The following CADM2 variants were observed in gnomAD, a reference collection of about 807,000 sequenced individuals.
The protein encoded by CADM2 is cell adhesion molecule 2, also known as immunoglobulin superfamily member 4D.
In CADM2, 12 loss-of-function variants were observed where a neutral mutation model predicts 49.8. The ratio of observed to expected loss-of-function variants is 0.24; its 90% CI spans 0.15 to 0.39. CADM2 has a LOEUF of 0.39. CADM2 is among the 10% of genes least tolerant of loss of function. The pLI, the probability that CADM2 is intolerant of heterozygous loss-of-function variation, is 1.00. For synonymous variants in CADM2, 214 were observed against 175.4 expected, an observed-to-expected ratio of 1.22 and a Z score of -1.74; for missense variants, 378 against 492.3, an observed-to-expected ratio of 0.77 and a Z score of 2.20.
At chr3:85,400,446 G>A (rs1290632532) in intron 1 of CADM2, among the ~76,000 whole-genome samples, 2 of 152,086 alleles carry the variant, frequency 1.3e-5, no homozygotes, top group South Asian at 2.1e-4. Context: ...TTTGGTATCA[G>A]GATGATACTG....
chr3:85,154,528 C>T (rs1489465386), intron 1 of CADM2, among the ~76,000 whole-genome samples: 11 of 151,978 alleles, frequency 7.2e-5, no homozygotes, highest in Non-Finnish European at 1.5e-4. Flanking sequence ...GGATATTATC[C>T]GTGAGAACTT....
In CADM2 at chr3:85,279,711, T is replaced by C. The variant is rs376784873; in HGVS notation, c.61+320043T>C. Among the ~76,000 whole-genome samples the C allele has an allele frequency of 1.8e-3, 271 of 151,614 alleles. 1 individual carries two copies. The highest frequency in any genetic ancestry group is 6.3e-3 in the African/African-American group (261 of 41,504). ...AAAATTAATTTTACTGAAGCAGATATCTGAATATTGTAAAAGTCTGCAATA... is the reference window on the plus strand; with the variant it reads ...AAAATTAATTTTACTGAAGCAGATACCTGAATATTGTAAAAGTCTGCAATA... On this transcript the variant is annotated intron_variant, in intron 1 of 9. Coordinates refer to ENST00000383699, the MANE Select transcript of CADM2 (RefSeq NM_001167675.2).
chr3:85,625,182 T>A (rs1483130420), intron 1 of CADM2, among the ~76,000 whole-genome samples: 1 of 152,158 alleles, frequency 6.6e-6, no homozygotes, highest in Non-Finnish European at 1.5e-5. Context: ...TACATCTTTT[T>A]AAATTTTTGG....
intron 5 of CADM2, among the ~76,000 whole-genome samples, chr3:85,895,128 C>T (rs1316576214): frequency 6.6e-6 from 1 of 152,192 alleles, no homozygotes; most frequent in Admixed American, 6.5e-5. Flanking sequence ...TAGCTGCAGA[C>T]ACTCACGCCT....
At chr3:85,736,173 AT>A (rs2068125353) in intron 2 of CADM2, among the ~76,000 whole-genome samples, 2 of 152,222 alleles carry the variant, frequency 1.3e-5, no homozygotes, top group South Asian at 4.1e-4. Flanking sequence ...AAGAAAATGT[AT>A]TTAAAAAGGA....
At chr3:85,024,312 T>C (rs1212983481) in intron 1 of CADM2, among the ~76,000 whole-genome samples, 1 of 152,146 alleles carries the variant, frequency 6.6e-6, no homozygotes, top group Non-Finnish European at 1.5e-5. Context: ...TCCAGTTTTA[T>C]AGACAGAAAA....
At chr3:85,008,328 C>G (rs879749163) in intron 1 of CADM2, among the ~76,000 whole-genome samples, 5 of 152,152 alleles carry the variant, frequency 3.3e-5, no homozygotes, top group Non-Finnish European at 5.9e-5. Context: ...AGCACATTCA[C>G]TTTATTCCCA....
At chr3:85,401,212 C>T (rs1417358306) in intron 1 of CADM2, among the ~76,000 whole-genome samples, 7 of 152,164 alleles carry the variant, frequency 4.6e-5, no homozygotes, top group Admixed American at 1.3e-4. Flanking sequence ...GTTCAGGATC[C>T]GTGGACTGGC....
intron 1 of CADM2, among the ~76,000 whole-genome samples, chr3:85,401,520 C>T (rs1228158423): frequency 6.6e-6 from 1 of 152,096 alleles, no homozygotes; most frequent in African/African-American, 2.4e-5. Flanking sequence ...GAGCAGGGGT[C>T]ACTGTGTCAC....
intron 1 of CADM2, among the ~76,000 whole-genome samples, chr3:85,151,392 C>T (rs192644557): frequency 1.3e-5 from 2 of 151,758 alleles, no homozygotes; most frequent in Admixed American, 1.3e-4. Context: ...CTTTTTCTTA[C>T]TCCTAGAATT....
chr3:85,100,728 TA>T (rs1257117859), intron 1 of CADM2, among the ~76,000 whole-genome samples: 1 of 152,158 alleles, frequency 6.6e-6, no homozygotes, highest in African/African-American at 2.4e-5. Flanking sequence ...ATTTTGTAAA[TA>T]AGAATTATCA....
chr3:85,543,626 A>G (rs2061601454), intron 1 of CADM2, among the ~76,000 whole-genome samples: 1 of 152,120 alleles, frequency 6.6e-6, no homozygotes, highest in South Asian at 2.1e-4. Flanking sequence ...CTATAGCAAA[A>G]TACCACAGGC....
At chr3:86,012,718 G>C in intron 8 of CADM2, 1 of 941,992 alleles carries the variant, frequency 1.1e-6, no homozygotes, top group Non-Finnish European at 1.7e-6. Flanking sequence ...GGCTGGGCGC[G>C]TTGACTCACG....
intron 1 of CADM2, among the ~76,000 whole-genome samples, chr3:85,032,732 G>GT (rs952848588): frequency 1.3e-4 from 19 of 151,728 alleles, no homozygotes; most frequent in African/African-American, 3.1e-4. Context: ...TTTAGGAATA[G>GT]TTTTTTTTCA....
chr3:85,596,329 C>A (rs556678520), intron 1 of CADM2, among the ~76,000 whole-genome samples: 22 of 151,300 alleles, frequency 1.5e-4, no homozygotes, highest in African/African-American at 5.1e-4. Flanking sequence ...TAAATTTAGA[C>A]CATAAATGAA....
In CADM2 at chr3:85,253,863, A is replaced by G. The variant is rs372088131; in HGVS notation, c.61+294195A>G. 1.8e-3 allele frequency among the ~76,000 whole-genome samples: 273 copies of G among 152,238 alleles called. 1 individual carries two copies. Among genetic ancestry groups the G allele is most frequent in the African/African-American group, 6.3e-3 (262 of 41,568 alleles). On this transcript the variant is annotated intron_variant, in intron 1 of 9. Coordinates refer to ENST00000383699, the MANE Select transcript of CADM2 (RefSeq NM_001167675.2). ...TTGCTAAGGATAAGAAACACAGAAAAGCAAAGTGTTTTTTCCTATTTTTAC... is the reference window on the plus strand; with the variant it reads ...TTGCTAAGGATAAGAAACACAGAAAGGCAAAGTGTTTTTTCCTATTTTTAC...
intron 1 of CADM2, among the ~76,000 whole-genome samples, chr3:85,118,355 G>A (rs1004820262): frequency 2.0e-5 from 3 of 151,990 alleles, no homozygotes; most frequent in Admixed American, 6.6e-5. Context: ...CTGTTTTCAC[G>A]CTGCTGATAA....
At chr3:85,715,995 A>T (rs1577148637) in intron 1 of CADM2, among the ~76,000 whole-genome samples, 1 of 152,192 alleles carries the variant, frequency 6.6e-6, no homozygotes, top group Non-Finnish European at 1.5e-5. Flanking sequence ...TAGTAGAATG[A>T]TTTATAATCC....
intron 1 of CADM2, among the ~76,000 whole-genome samples, chr3:85,495,228 C>T (rs1576655922): frequency 6.6e-6 from 1 of 152,078 alleles, no homozygotes; most frequent in Non-Finnish European, 1.5e-5. Context: ...ATCAGAGTGA[C>T]GACTAATGTT....
Sources: allele counts gnomAD v4.1 joint callset (sites outside exome capture counted in the v4.1 genomes callset), GRCh38; gene constraint gnomAD v4.1.1; transcripts MANE v1.5; gene names NCBI Gene and HGNC (gene_info 2026-07-23, HGNC 2026-07-21).